AKR1D1: variants seen among roughly 807,000 people sequenced by gnomAD.
AKR1D1 encodes aldo-keto reductase family 1 member D1.
A neutral mutation model predicts 42.6 loss-of-function variants in AKR1D1; 32 were observed. That is an observed-to-expected ratio of 0.75 (90% CI 0.57 to 1.01). AKR1D1 has a LOEUF of 1.01. Among genes scored for constraint, AKR1D1 ranks in the 50% least tolerant of loss-of-function variants. The pLI, the probability that AKR1D1 is intolerant of heterozygous loss-of-function variation, is 0.00. For synonymous variants in AKR1D1, 123 were observed against 135.5 expected (o/e 0.91, Z 0.64); for missense variants, 364 against 402.2 (o/e 0.91, Z 0.81).
chr7:138,111,480 T>A (rs753549509), intron 7 of AKR1D1, among the ~76,000 whole-genome samples: 3 of 152,232 alleles, frequency 2.0e-5, no homozygotes, highest in Admixed American at 2.0e-4. Flanking sequence ...CTTGTCCCAC[T>A]TGGTCTTTCA....
At chr7:138,098,120 A>C (rs1042970561) in intron 4 of AKR1D1, 177 bp downstream of exon 4, 3 of 577,706 alleles carry the variant, frequency 5.2e-6, no homozygotes, top group Non-Finnish European at 9.1e-6. Context: ...CTGGGTACTA[A>C]ATAATTCTTA....
At chr7:138,099,256 T>G (rs950795135) in intron 4 of AKR1D1, among the ~76,000 whole-genome samples, 2 of 152,164 alleles carry the variant, frequency 1.3e-5, no homozygotes, top group African/African-American at 4.8e-5. Context: ...CATTCTGTTC[T>G]AAGGGACTGC....
chr7:138,113,569 C>T, intron 7 of AKR1D1, 121 bp from the exon 8 acceptor site: 1 of 836,420 alleles, frequency 1.2e-6, no homozygotes, highest in Non-Finnish European at 2.0e-6. Context: ...CAACACCAGC[C>T]TGACTCCTCT....
chr7:138,100,669 G>C (rs1369712573), intron 4 of AKR1D1, among the ~76,000 whole-genome samples: 1 of 142,958 alleles, frequency 7.0e-6, no homozygotes, highest in Non-Finnish European at 1.5e-5. Context: ...AACAGAGAAA[G>C]AGAAAAATCC....
rs1794648243 is a variant in AKR1D1 at position 138,117,062 on chromosome 7, T to C, written c.*400T>C. On this transcript the variant is annotated 3_prime_UTR_variant, in exon 9 of 9. Coordinates refer to ENST00000242375, the MANE Select transcript of AKR1D1 (RefSeq NM_005989.4). ...AGTGCATGTGGCAGTGTGCTGGCAG[T>C]GGCCTTGAGGCTTTGGACCATTGGT... 1 of 181,782 alleles carries C rather than the reference T, an allele frequency of 5.5e-6. No homozygotes were observed. The highest frequency in any genetic ancestry group is 5.5e-5 in the Admixed American group (1 of 18,152). 11.3% of individuals were successfully genotyped at this position (181,782 alleles called of 1,614,324 possible).
At chr7:138,097,326 G>A (rs573608535) in intron 3 of AKR1D1, among the ~76,000 whole-genome samples, 2 of 152,278 alleles carry the variant, frequency 1.3e-5, no homozygotes, top group African/African-American at 4.8e-5. Context: ...GATTTATTTC[G>A]AAGTACTGTT....
At chr7:138,103,659 C>A (rs996651611) in intron 4 of AKR1D1, among the ~76,000 whole-genome samples, 2 of 151,486 alleles carry the variant, frequency 1.3e-5, no homozygotes, top group African/African-American at 2.4e-5. Flanking sequence ...CACCAAATAC[C>A]GGAAAAAGTT....
chr7:138,107,335 G>A (rs771916852), intron 6 of AKR1D1, 80 bp from the exon 7 acceptor site: 2 of 1,472,638 alleles, frequency 1.4e-6, no homozygotes, highest in Admixed American at 1.7e-5. Flanking sequence ...TGAATGGGAA[G>A]ACAGAGGAGG....
At chr7:138,107,234 C>T (rs778657551) in intron 6 of AKR1D1, 181 bp from the exon 7 acceptor site, 2 of 777,856 alleles carry the variant, frequency 2.6e-6, no homozygotes, top group South Asian at 2.7e-5. Context: ...CTTGATCTTC[C>T]CATACTACGA....
rs1168400596 is a variant in AKR1D1 at position 138,107,223 on chromosome 7, G to GC, written c.690-191dup. 1.4e-5 allele frequency: 11 copies of GC among 761,002 alleles called. No homozygotes were observed. The African/African-American group carries it at 1.9e-4, about 13-fold the overall frequency. 47.1% of individuals were successfully genotyped at this position (761,002 alleles called of 1,614,324 possible). A position where few individuals can be genotyped will look rare whatever the true frequency, so the allele number is the denominator to read the frequency against. On this transcript the variant is annotated intron_variant, in intron 6 of 8. Coordinates refer to ENST00000242375, the MANE Select transcript of AKR1D1 (RefSeq NM_005989.4). ...GGAGGCAGCTCCATAAACTTGCCTT[G>GC]CTTGATCTTCCCATACTACGAGTAA...
At position 138,076,604 on chromosome 7, in the gene AKR1D1, C is replaced by T. The variant is rs1288118339; in HGVS notation, c.86C>T (p.Pro29Leu). 1.2e-6 allele frequency: 2 copies of T among 1,611,502 alleles called. No individual in the cohort carries two copies. The highest frequency in any genetic ancestry group is 1.7e-6 in the Non-Finnish European group (2 of 1,178,108). Reference sequence around the variant, plus strand: ...ATCGGACTTGGTACCTACTCAGAACCTAAATCGGTAAGCTTATTTTTTCTC... The same window carrying T: ...ATCGGACTTGGTACCTACTCAGAACTTAAATCGGTAAGCTTATTTTTTCTC... ...PIIGLGTYSEPKSTPKGACAT... is the reference protein window; with the variant it reads ...PIIGLGTYSELKSTPKGACAT... The change falls in exon 1 of 9, where the codon CCT becomes CTT. Residue 29 changes from proline to leucine, a missense_variant. By Grantham distance (98) the Pro-to-Leu change is moderately conservative. Coordinates refer to ENST00000242375, the MANE Select transcript of AKR1D1 (RefSeq NM_005989.4).
rs1228123972 is a variant in AKR1D1, at chr7:138,116,947, C to T, written c.*285C>T. On this transcript the variant is annotated 3_prime_UTR_variant, in exon 9 of 9. Transcript: ENST00000242375. ...GAAAAAAATTACACTTCAGAAAAGA[C>T]ATCAAAGGCAACATATGACAACAAG... 7.6e-6 allele frequency: 3 copies of T among 396,080 alleles called. No individual in the cohort carries two copies. The highest frequency in any genetic ancestry group is 8.0e-5 in the Admixed American group (2 of 24,880). 24.5% of individuals were successfully genotyped at this position (396,080 alleles called of 1,614,324 possible). A position where few individuals can be genotyped will look rare whatever the true frequency, so the allele number is the denominator to read the frequency against.
Position 138,116,794 on chromosome 7 carries a change from T to TC in AKR1D1, c.*132_*133insC. On this transcript the variant is annotated 3_prime_UTR_variant, in exon 9 of 9. Transcript: ENST00000242375. ...GAAGAAATAATGATGGAAACATGTT[T>TC]AATGTTTGTGCAGTGTAAATGACTT... is the stretch of plus-strand genomic sequence containing the variant. 1 of 812,918 alleles carries TC rather than the reference T, an allele frequency of 1.2e-6. No individual in the cohort carries two copies. Among genetic ancestry groups the TC allele is most frequent in the Non-Finnish European group, 2.0e-6 (1 of 497,388 alleles). The allele number at this position is 812,918 out of a possible 1,614,324, so 50.4% of individuals were successfully genotyped here.
intron 2 of AKR1D1, 31 bp downstream of exon 2, chr7:138,088,799 A>AAGGTTT (rs1464482189): frequency 6.4e-7 from 1 of 1,566,554 alleles, no homozygotes; most frequent in African/African-American, 1.4e-5. Flanking sequence ...TCCACTGGGG[A>AAGGTTT]CAGTGAGAAG....
intron 7 of AKR1D1, among the ~76,000 whole-genome samples, chr7:138,109,866 G>A (rs77673904): frequency 0.026 from 3,882 of 152,194 alleles, 153 homozygotes; most frequent in African/African-American, 0.089. Context: ...TGACCTTTGC[G>A]ATGGAAAGCA....
intron 5 of AKR1D1, 25 bp downstream of exon 5, chr7:138,105,454 G>C (rs560673517): frequency 1.2e-6 from 2 of 1,613,388 alleles, no homozygotes; most frequent in South Asian, 2.2e-5. Context: ...CTTCCACTAG[G>C]GTGTGGGGAG....
intron 1 of AKR1D1, among the ~76,000 whole-genome samples, chr7:138,079,735 C>T (rs528831829): frequency 3.3e-5 from 5 of 152,352 alleles, no homozygotes; most frequent in Admixed American, 3.3e-4. Flanking sequence ...TTTCCACTGA[C>T]CCACCCAAAC....
intron 1 of AKR1D1, among the ~76,000 whole-genome samples, chr7:138,077,266 G>C (rs73155727): frequency 0.13 from 20,280 of 152,120 alleles, 1,457 homozygotes; most frequent in East Asian, 0.2. Context: ...GGCTGGTGAT[G>C]CCTCAAGAAA....
rs1363796111 is a variant in AKR1D1, at chr7:138,117,962, T to C, written c.*1300T>C. The C allele has an allele frequency of 6.6e-6, 1 of 151,972 alleles. No homozygotes were observed. The highest frequency in any genetic ancestry group is 1.5e-5 in the Non-Finnish European group (1 of 68,016). The allele number at this position is 151,972 out of a possible 1,614,324, so 9.4% of individuals were successfully genotyped here. A position where few individuals can be genotyped will look rare whatever the true frequency, so the allele number is the denominator to read the frequency against. On this transcript the variant is annotated 3_prime_UTR_variant, in exon 9 of 9. Transcript: ENST00000242375. The stretch of plus-strand genomic sequence containing the variant: ...TGAACCCGGGAGGAGGAGCTTGCAG[T>C]GAGCCGAGATAGCGCCACTGCAGTC...
Sources: allele counts gnomAD v4.1 joint callset (sites outside exome capture counted in the v4.1 genomes callset), GRCh38; gene constraint gnomAD v4.1.1; transcripts MANE v1.5; gene names NCBI Gene and HGNC (gene_info 2026-07-23, HGNC 2026-07-21).